The following COL25A1 variants were observed in gnomAD, a reference collection of about 807,000 sequenced individuals.
The protein encoded by COL25A1 is collagen type XXV alpha 1 chain.
Under a neutral mutation model 128.4 loss-of-function variants are expected in COL25A1, and 103 were observed. That is an observed-to-expected ratio of 0.80 (90% CI 0.68 to 0.94). The LOEUF is 0.94. COL25A1 is among the 40% of genes least tolerant of loss of function. The pLI, the probability that COL25A1 is intolerant of heterozygous loss-of-function variation, is 0.00. For synonymous variants in COL25A1, 279 were observed against 277.2 expected (o/e 1.01, Z -0.06); for missense variants, 745 against 840.0 (o/e 0.89, Z 1.40).
At chr4:109,229,222 C>G (rs1017633269) in intron 3 of COL25A1, among the ~76,000 whole-genome samples, 4 of 152,140 alleles carry the variant, frequency 2.6e-5, no homozygotes, top group Non-Finnish European at 4.4e-5. Context: ...CATTTTGTCA[C>G]GTGACTCCAA....
intron 13 of COL25A1, among the ~76,000 whole-genome samples, chr4:108,913,261 C>CTTTTTTTTTTTTTTTTTTTTTT (rs201929872): frequency 5.4e-5 from 5 of 92,396 alleles, no homozygotes; most frequent in Non-Finnish European, 8.5e-5. Context: ...TCTCTAGCTC[C>CTTTTTTTTTTTTTTTTTTTTTT]TTTTTTTTTT....
At position 108,809,425 on chromosome 4, in the gene COL25A1, C is replaced by A. The variant is rs1225465421; in HGVS notation, c.*4502G>T. On this transcript the variant is annotated 3_prime_UTR_variant, in exon 38 of 38. Transcript: ENST00000399132. ...GTATGTAAGACATTCTTTTGTGAAT[C>A]CAATTCGTTAATATTTCTGAGATAG... is the stretch of plus-strand genomic sequence containing the variant. 1 of 151,934 alleles carries A rather than the reference C, an allele frequency of 6.6e-6. No homozygotes were observed. Among genetic ancestry groups the A allele is most frequent in the Non-Finnish European group, 1.5e-5 (1 of 67,926 alleles). The allele number at this position is 151,934 out of a possible 1,614,324, so 9.4% of individuals were successfully genotyped here.
chr4:108,928,072 G>T (rs1245751701), intron 11 of COL25A1, among the ~76,000 whole-genome samples: 1 of 152,026 alleles, frequency 6.6e-6, no homozygotes, highest in Non-Finnish European at 1.5e-5. Context: ...CGAAAAGAAA[G>T]AAAAATTAAC....
At chr4:109,195,354 T>C (rs1476499616) in intron 3 of COL25A1, among the ~76,000 whole-genome samples, 2 of 152,336 alleles carry the variant, frequency 1.3e-5, no homozygotes, top group African/African-American at 4.8e-5. Flanking sequence ...TGAAATACTG[T>C]GGTTGCTTGT....
intron 6 of COL25A1, among the ~76,000 whole-genome samples, chr4:108,996,073 T>A (rs978293805): frequency 1.3e-5 from 2 of 151,888 alleles, no homozygotes; most frequent in Admixed American, 6.6e-5. Flanking sequence ...ACGGGCAAAA[T>A]AACCAGCTAA....
chr4:108,893,537 C>A (rs1741770528), intron 16 of COL25A1, among the ~76,000 whole-genome samples: 1 of 152,002 alleles, frequency 6.6e-6, no homozygotes, highest in South Asian at 2.1e-4. Flanking sequence ...GAAAACCCAG[C>A]CTAGTGGTTT....
At chr4:109,277,459 A>C (rs1722952279) in intron 3 of COL25A1, among the ~76,000 whole-genome samples, 1 of 152,162 alleles carries the variant, frequency 6.6e-6, no homozygotes, top group South Asian at 2.1e-4. Flanking sequence ...GGGGAGGAAA[A>C]ATCTTAACTG....
chr4:109,231,284 C>T (rs1319610429), intron 3 of COL25A1, among the ~76,000 whole-genome samples: 1 of 151,988 alleles, frequency 6.6e-6, no homozygotes, highest in Non-Finnish European at 1.5e-5. Flanking sequence ...GTATTCCAAA[C>T]CCACCAAATA....
rs1730846173 is a variant in COL25A1 at position 108,812,141 on chromosome 4, T to C, written c.*1786A>G. On this transcript the variant is annotated 3_prime_UTR_variant, in exon 38 of 38. Transcript: ENST00000399132. ...ATTTCAAAACACGCTACCAACTCTT[T>C]ACTGTGCAAAGAAATGTTCCATCTA... 6.6e-6 allele frequency: 1 copy of C among 152,198 alleles called. No individual in the cohort carries two copies. Among genetic ancestry groups the C allele is most frequent in the South Asian group, 2.1e-4 (1 of 4,838 alleles). The allele number at this position is 152,198 out of a possible 1,614,324, so 9.4% of individuals were successfully genotyped here.
intron 30 of COL25A1, among the ~76,000 whole-genome samples, 133 bp downstream of exon 30, chr4:108,844,359 ACTGTAAAGTTAATATATCTCAAAGCAC>A (rs1305031239): frequency 6.6e-6 from 1 of 152,318 alleles, no homozygotes; most frequent in East Asian, 1.9e-4. Context: ...GAATGACAAC[ACTGTAAAGTTAATATATCTCAAAGCAC>A]CTGGTATTTT....
chr4:108,857,360 T>C (rs945822866), intron 24 of COL25A1, among the ~76,000 whole-genome samples: 2 of 152,060 alleles, frequency 1.3e-5, no homozygotes, highest in Admixed American at 1.3e-4. Flanking sequence ...AAGGGAATAA[T>C]TTAGAAAACT....
chr4:109,185,606 TC>T (rs1373873707), intron 3 of COL25A1, among the ~76,000 whole-genome samples: 1 of 152,210 alleles, frequency 6.6e-6, no homozygotes, highest in African/African-American at 2.4e-5. Context: ...ATTGGGGCCT[TC>T]CCCATTCAAA....
At chr4:109,246,016 C>CAAAAA (rs772260651) in intron 3 of COL25A1, among the ~76,000 whole-genome samples, 1,283 of 65,262 alleles carry the variant, frequency 0.02, 9 homozygotes, top group East Asian at 0.036. Context: ...TGTTAAAAAG[C>CAAAAA]AAAAAAAAAA....
chr4:108,893,340 C>G (rs1023350764), intron 16 of COL25A1, among the ~76,000 whole-genome samples: 1 of 152,132 alleles, frequency 6.6e-6, no homozygotes, highest in African/African-American at 2.4e-5. Flanking sequence ...CCATTTCGCA[C>G]AGGGGAAAAT....
intron 3 of COL25A1, among the ~76,000 whole-genome samples, chr4:109,236,461 G>T (rs568545248): frequency 7.2e-5 from 11 of 151,908 alleles, no homozygotes; most frequent in Non-Finnish European, 1.3e-4. Context: ...CACCTGTAAC[G>T]CCTATAGCTC....
chr4:109,269,427 T>C (rs372528621), intron 3 of COL25A1, among the ~76,000 whole-genome samples: 8,523 of 146,626 alleles, frequency 0.058, 320 homozygotes, highest in Non-Finnish European at 0.088. Flanking sequence ...GCATGATTTA[T>C]AGTCCTTTGG....
At chr4:109,289,826 A>G (rs558067116) in intron 3 of COL25A1, among the ~76,000 whole-genome samples, 2 of 152,192 alleles carry the variant, frequency 1.3e-5, no homozygotes, top group South Asian at 2.1e-4. Flanking sequence ...CTGCTTGCCA[A>G]CCACGGATCA....
intron 3 of COL25A1, among the ~76,000 whole-genome samples, chr4:109,139,945 T>C (rs1397249582): frequency 1.3e-5 from 2 of 152,072 alleles, no homozygotes; most frequent in Non-Finnish European, 2.9e-5. Flanking sequence ...GTCCTTGTGA[T>C]AGTTTGCCGA....
intron 11 of COL25A1, among the ~76,000 whole-genome samples, chr4:108,933,060 C>T (rs754193624): frequency 1.9e-4 from 29 of 152,282 alleles, no homozygotes; most frequent in Middle Eastern, 3.4e-3. Context: ...TGTGGAACTG[C>T]GTGAGCTGCA....
Sources: allele counts gnomAD v4.1 joint callset (sites outside exome capture counted in the v4.1 genomes callset), GRCh38; gene constraint gnomAD v4.1.1; transcripts MANE v1.5; gene names NCBI Gene and HGNC (gene_info 2026-07-23, HGNC 2026-07-21).